CSMD1: variants seen among roughly 807,000 people sequenced by gnomAD.
The protein encoded by CSMD1 is CUB and Sushi multiple domains 1, also known as CUB and sushi domain-containing protein 1.
A neutral mutation model predicts 417.5 loss-of-function variants in CSMD1; 213 were observed. The observed-to-expected ratio is 0.51, with a 90% confidence interval of 0.46 to 0.57. CSMD1 has a LOEUF of 0.57. Ranked by LOEUF, CSMD1 falls within the 20% of genes least tolerant of loss-of-function variation. The probability of loss-of-function intolerance (pLI) is 0.00; values close to 1 mark genes in which losing one functional copy is unlikely to be tolerated. For missense variants in CSMD1, 6,923 were observed against 4,529.7 expected (o/e 1.53, Z -15.17); for synonymous variants, 2,862 against 1,736.8 (o/e 1.65, Z -16.11).
At chr8:3,312,372 G>T (rs551218937) in intron 23 of CSMD1, among the ~76,000 whole-genome samples, 2 of 152,110 alleles carry the variant, frequency 1.3e-5, no homozygotes, top group African/African-American at 4.8e-5. Context: ...GACCTTGACA[G>T]CATCATTAAA....
At chr8:3,292,068 C>T (rs997254924) in intron 25 of CSMD1, among the ~76,000 whole-genome samples, 2 of 152,138 alleles carry the variant, frequency 1.3e-5, no homozygotes, top group African/African-American at 4.8e-5. Flanking sequence ...TTATTTCTGC[C>T]TTCATTTCAT....
intron 6 of CSMD1, among the ~76,000 whole-genome samples, chr8:3,728,126 T>C (rs1172872636): frequency 6.6e-6 from 1 of 152,192 alleles, no homozygotes; most frequent in Non-Finnish European, 1.5e-5. Flanking sequence ...CCACGTGCGA[T>C]GGGAGGGACC....
intron 1 of CSMD1, among the ~76,000 whole-genome samples, chr8:4,791,095 T>TGAGAGAGACGGG (rs1797663935): frequency 3.0e-5 from 4 of 133,050 alleles, no homozygotes; most frequent in East Asian, 2.1e-4. Flanking sequence ...AGAGAGACGG[T>TGAGAGAGACGGG]GAGAAGAGAC....
chr8:4,174,903 G>A (rs887565306), intron 3 of CSMD1, among the ~76,000 whole-genome samples: 1 of 150,556 alleles, frequency 6.6e-6, no homozygotes, highest in Non-Finnish European at 1.5e-5. Flanking sequence ...GCCACACTCT[G>A]ACATCTTTGC....
rs1295455833 is a variant in CSMD1 at position 3,429,231 on chromosome 8, A to C, written c.1562-19626T>G. On this transcript the variant is annotated intron_variant, in intron 12 of 69. Transcript: ENST00000635120. ...AAACGCTGAACGTTGGAGATGATGC[A>C]AATGCTACGAACCTTGATTTGACCA... 5.9e-5 allele frequency among the ~76,000 whole-genome samples: 9 copies of C among 152,354 alleles called. No individual in the cohort carries two copies. The South Asian group carries it at 6.2e-4, about 11-fold the overall frequency.
At chr8:3,037,487 C>A (rs1409559674) in intron 50 of CSMD1, among the ~76,000 whole-genome samples, 1 of 152,118 alleles carries the variant, frequency 6.6e-6, no homozygotes. Context: ...CTTTCTTTAT[C>A]CACTCATTGG....
intron 5 of CSMD1, among the ~76,000 whole-genome samples, chr8:3,781,666 G>A (rs1483236485): frequency 6.6e-6 from 1 of 152,198 alleles, no homozygotes; most frequent in Non-Finnish European, 1.5e-5. Flanking sequence ...AATGGCAGGT[G>A]CCTAGGTTTC....
intron 26 of CSMD1, among the ~76,000 whole-genome samples, chr8:3,254,178 T>C (rs1800474615): frequency 6.6e-6 from 1 of 152,196 alleles, no homozygotes; most frequent in South Asian, 2.1e-4. Flanking sequence ...AAAGTTCTTT[T>C]CTTTAAGAAT....
chr8:4,988,253 T>G (rs927152508), intron 1 of CSMD1, among the ~76,000 whole-genome samples: 10 of 152,234 alleles, frequency 6.6e-5, no homozygotes, highest in Non-Finnish European at 1.2e-4. Context: ...ATTAAAATTA[T>G]AAGCATCAAG....
At chr8:4,719,566 T>C (rs1046471525) in intron 1 of CSMD1, among the ~76,000 whole-genome samples, 2 of 150,854 alleles carry the variant, frequency 1.3e-5, no homozygotes, top group East Asian at 2.0e-4. Context: ...TTAAGAATTA[T>C]TGCATCCTTT....
At chr8:3,972,895 A>G (rs1414691464) in intron 5 of CSMD1, among the ~76,000 whole-genome samples, 7 of 152,240 alleles carry the variant, frequency 4.6e-5, no homozygotes, top group Admixed American at 3.9e-4. Flanking sequence ...ATCAAAATGT[A>G]AAAATGGAAA....
chr8:3,007,912 A>G (rs990818429), intron 52 of CSMD1, among the ~76,000 whole-genome samples: 1 of 152,180 alleles, frequency 6.6e-6, no homozygotes, highest in African/African-American at 2.4e-5. Context: ...CCTAAAACTT[A>G]AAGTATAATA....
chr8:3,535,625 G>C (rs1344257679), intron 10 of CSMD1, among the ~76,000 whole-genome samples: 1 of 152,132 alleles, frequency 6.6e-6, no homozygotes, highest in Admixed American at 6.5e-5. Flanking sequence ...CCTTATTCAA[G>C]TAACAGATAC....
chr8:2,975,388 CA>C (rs1804829433), intron 55 of CSMD1, among the ~76,000 whole-genome samples: 1 of 152,056 alleles, frequency 6.6e-6, no homozygotes, highest in Admixed American at 6.5e-5. Context: ...TATCTATATG[CA>C]AAAATAACCG....
chr8:4,717,188 T>C (rs557273206), intron 1 of CSMD1, among the ~76,000 whole-genome samples: 1 of 151,536 alleles, frequency 6.6e-6, no homozygotes, highest in African/African-American at 2.4e-5. Context: ...GGAGAAAAAT[T>C]TGATGAGGAG....
At chr8:3,493,347 G>C (rs925392591) in intron 11 of CSMD1, among the ~76,000 whole-genome samples, 17 of 148,238 alleles carry the variant, frequency 1.1e-4, no homozygotes, top group African/African-American at 4.2e-4. Flanking sequence ...AAAATTTATT[G>C]TTTTTTGCTA....
At chr8:4,576,310 A>G (rs1320258375) in intron 2 of CSMD1, among the ~76,000 whole-genome samples, 1 of 152,146 alleles carries the variant, frequency 6.6e-6, no homozygotes, top group African/African-American at 2.4e-5. Context: ...TTCTCCTCTC[A>G]TTCTTTTCTT....
intron 1 of CSMD1, among the ~76,000 whole-genome samples, chr8:4,794,532 G>C (rs13250028): frequency 0.33 from 50,612 of 151,772 alleles, 9,238 homozygotes; most frequent in Admixed American, 0.49. Flanking sequence ...ATCTCTGCCT[G>C]ACTCTCCCTC....
At chr8:3,295,450 G>T (rs1803895496) in intron 25 of CSMD1, among the ~76,000 whole-genome samples, 1 of 151,968 alleles carries the variant, frequency 6.6e-6, no homozygotes. Flanking sequence ...TACTATTATG[G>T]GAGAGACCGT....
Sources: gnomAD v4.1 joint callset for allele counts (sites outside exome capture counted in the v4.1 genomes callset) on GRCh38, gnomAD v4.1.1 for gene constraint, MANE v1.5 for transcripts, NCBI Gene and HGNC (gene_info 2026-07-23, HGNC 2026-07-21) for gene names.